The following NTN1 variants were observed in gnomAD, a reference collection of about 807,000 sequenced individuals.
The protein encoded by NTN1 is netrin-1.
In NTN1, 11 loss-of-function variants were observed where a neutral mutation model predicts 54.2. That is an observed-to-expected ratio of 0.20 (90% CI 0.13 to 0.34). NTN1 has a LOEUF of 0.34. Among genes scored for constraint, NTN1 ranks in the 10% least tolerant of loss-of-function variants. The pLI, the probability that NTN1 is intolerant of heterozygous loss-of-function variation, is 1.00. For missense variants in NTN1, 740 were observed against 893.1 expected (o/e 0.83, Z 2.18); for synonymous variants, 371 against 382.0 (o/e 0.97, Z 0.33).
intron 5 of NTN1, among the ~76,000 whole-genome samples, chr17:9,203,625 C>G (rs1046764358): frequency 6.6e-6 from 1 of 151,812 alleles, no homozygotes; most frequent in Non-Finnish European, 1.5e-5. Context: ...ATGGTGAAAC[C>G]CTGTTTCTAC....
At chr17:9,166,992 A>G (rs2092375254) in intron 3 of NTN1, among the ~76,000 whole-genome samples, 1 of 152,144 alleles carries the variant, frequency 6.6e-6, no homozygotes, top group African/African-American at 2.4e-5. Context: ...GTTTCGTAGC[A>G]ACAAATTTGT....
intron 2 of NTN1, among the ~76,000 whole-genome samples, chr17:9,086,792 C>T (rs1392605129): frequency 6.6e-6 from 1 of 152,148 alleles, no homozygotes; most frequent in Non-Finnish European, 1.5e-5. Flanking sequence ...ATTACCATCA[C>T]CACCTGCACC....
rs531701756 is a variant in NTN1 at position 9,075,133 on chromosome 17, T to TA, written c.1018+51743dup. On this transcript the variant is annotated intron_variant, in intron 2 of 6. Coordinates refer to ENST00000173229, the MANE Select transcript of NTN1 (RefSeq NM_004822.3). ...GAGTTCAAATCCCAGGCCCACCACTTAGAGATGGGATAGTCTTGGTCAAAT... is the reference window on the plus strand; with the variant it reads ...GAGTTCAAATCCCAGGCCCACCACTTAAGAGATGGGATAGTCTTGGTCAAAT... 2.3e-3 allele frequency among the ~76,000 whole-genome samples: 348 copies of TA among 152,290 alleles called. 1 individual carries two copies. Among genetic ancestry groups the TA allele is most frequent in the South Asian group, 0.013 (61 of 4,826 alleles).
In NTN1 at chr17:9,239,259, T is replaced by C. The variant is rs1338359068; in HGVS notation, c.1487-381T>C. Among the ~76,000 whole-genome samples the C allele has an allele frequency of 6.6e-6, 1 of 152,154 alleles. No homozygotes were observed. The highest frequency in any genetic ancestry group is 1.5e-5 in the Non-Finnish European group (1 of 68,020). The stretch of plus-strand genomic sequence containing the variant: ...TTGGGCCTTTGGAGAAGCGCACCCC[T>C]GAGGAACCTCCCTCTCCCCGCCAGC... On this transcript the variant is annotated intron_variant, in intron 6 of 6. Transcript: ENST00000173229. The surrounding 1 kb of genome is among the most constrained non-coding windows in gnomAD (Gnocchi z 5.2).
intron 2 of NTN1, among the ~76,000 whole-genome samples, chr17:9,066,353 G>A (rs896563632): frequency 1.3e-5 from 2 of 152,240 alleles, no homozygotes; most frequent in African/African-American, 2.4e-5. Flanking sequence ...GCAGAGCCGG[G>A]CGTGGTGGCT....
At chr17:9,220,634 C>T (rs938184429) in intron 5 of NTN1, among the ~76,000 whole-genome samples, 4 of 152,052 alleles carry the variant, frequency 2.6e-5, no homozygotes, top group Non-Finnish European at 4.4e-5. Context: ...CTTCGTGGGG[C>T]ATTTTATTTG....
At chr17:9,006,734 T>C in the NTN1 span, among the ~76,000 whole-genome samples, 1 of 152,224 alleles carries the variant, frequency 6.6e-6, no homozygotes, top group African/African-American at 2.4e-5. Flanking sequence ...CCATGTTCCT[T>C]GCATATGGAT....
At chr17:9,006,519 G>C in the NTN1 span, among the ~76,000 whole-genome samples, 1 of 152,174 alleles carries the variant, frequency 6.6e-6, no homozygotes, top group Non-Finnish European at 1.5e-5. Context: ...CAGGAGATGT[G>C]AGGTGTGTGT....
At chr17:9,016,707 G>C (rs1386506665), upstream of NTN1, among the ~76,000 whole-genome samples, 2 of 151,884 alleles carry the variant, frequency 1.3e-5, no homozygotes, top group Non-Finnish European at 2.9e-5. Context: ...TTCTTTCTTT[G>C]GCATTGTCGC....
chr17:9,104,260 G>T (rs2092159096), intron 2 of NTN1, among the ~76,000 whole-genome samples: 1 of 152,062 alleles, frequency 6.6e-6, no homozygotes, highest in African/African-American at 2.4e-5. Context: ...TTGGGAAGAT[G>T]AAAAAGTTCT....
rs1483426878 is a variant in NTN1, at chr17:9,141,746, A to T, written c.1019-21067A>T. On this transcript the variant is annotated intron_variant, in intron 2 of 6. Coordinates refer to ENST00000173229, the MANE Select transcript of NTN1 (RefSeq NM_004822.3). The stretch of plus-strand genomic sequence containing the variant: ...AGGTGACGGTTTATGTTTCCTGAAG[A>T]GGCAAGAGGGAGTCGGATCCAAAAC... 2.0e-5 allele frequency among the ~76,000 whole-genome samples: 3 copies of T among 152,210 alleles called. No individual in the cohort carries two copies. In the East Asian group the frequency reaches 5.8e-4, roughly 29 times the overall value.
chr17:9,151,678 T>C (rs1397165863), intron 2 of NTN1, among the ~76,000 whole-genome samples: 1 of 152,170 alleles, frequency 6.6e-6, no homozygotes, highest in Non-Finnish European at 1.5e-5. Flanking sequence ...GAGAGGTGTA[T>C]GGGCTCCTCT....
At chr17:9,082,470 C>T (rs1165830058) in intron 2 of NTN1, among the ~76,000 whole-genome samples, 1 of 152,178 alleles carries the variant, frequency 6.6e-6, no homozygotes, top group Admixed American at 6.5e-5. Context: ...TTTGTTGAGT[C>T]TTTGCAGTTG....
chr17:9,116,568 C>T (rs1434753602), intron 2 of NTN1, among the ~76,000 whole-genome samples: 1 of 152,190 alleles, frequency 6.6e-6, no homozygotes, highest in Non-Finnish European at 1.5e-5. Flanking sequence ...AATCCCAGGG[C>T]TTTCTGTAGA....
At chr17:9,009,532 T>G in the NTN1 span, among the ~76,000 whole-genome samples, 1 of 152,230 alleles carries the variant, frequency 6.6e-6, no homozygotes, top group Non-Finnish European at 1.5e-5. Flanking sequence ...GGTTGAATAA[T>G]CCATGCACTT....
intron 5 of NTN1, among the ~76,000 whole-genome samples, chr17:9,187,479 ATG>A (rs1259729143): frequency 6.6e-6 from 1 of 152,128 alleles, no homozygotes; most frequent in Non-Finnish European, 1.5e-5. Context: ...GATACACAGA[ATG>A]TGGCATATCT....
intron 2 of NTN1, among the ~76,000 whole-genome samples, chr17:9,044,893 C>G (rs1036121050): frequency 6.6e-6 from 1 of 151,956 alleles, no homozygotes; most frequent in Non-Finnish European, 1.5e-5. Flanking sequence ...AAACAGTATG[C>G]GAAAAGTAGA....
intron 2 of NTN1, among the ~76,000 whole-genome samples, chr17:9,068,431 T>C (rs1442743612): frequency 2.6e-5 from 4 of 152,088 alleles, no homozygotes; most frequent in Non-Finnish European, 5.9e-5. Flanking sequence ...GGGATCCTCC[T>C]GCATTGGCCC....
chr17:9,182,698 C>T (rs2092422080), intron 4 of NTN1, among the ~76,000 whole-genome samples: 1 of 152,218 alleles, frequency 6.6e-6, no homozygotes. Flanking sequence ...CCACACCCCC[C>T]TGCCAGGTGA....
Sources: allele counts gnomAD v4.1 joint callset (sites outside exome capture counted in the v4.1 genomes callset), GRCh38; gene constraint gnomAD v4.1.1; non-coding constraint Gnocchi (gnomAD v3.1); transcripts MANE v1.5; gene names NCBI Gene and HGNC (gene_info 2026-07-23, HGNC 2026-07-21).